Variants in ZFPM2 observed in about 807,000 individuals in gnomAD.
The protein encoded by ZFPM2 is zinc finger protein, FOG family member 2.
Under a neutral mutation model 98.6 loss-of-function variants are expected in ZFPM2, and 20 were observed. The observed-to-expected ratio is 0.20, with a 90% confidence interval of 0.14 to 0.29. ZFPM2 has a LOEUF of 0.29. Among genes scored for constraint, ZFPM2 ranks in the 10% least tolerant of loss-of-function variants. The pLI is 1.00. For synonymous variants in ZFPM2, 518 were observed against 502.7 expected (o/e 1.03, Z -0.41); for missense variants, 1,310 against 1,388.6 (o/e 0.94, Z 0.90).
intron 5 of ZFPM2, among the ~76,000 whole-genome samples, chr8:105,708,240 T>G (rs1458226624): frequency 6.6e-6 from 1 of 152,316 alleles, no homozygotes; most frequent in South Asian, 2.1e-4. Context: ...ATCATCATAT[T>G]ACATCACATT....
intron 3 of ZFPM2, among the ~76,000 whole-genome samples, chr8:105,540,433 A>T (rs1814551711): frequency 6.6e-6 from 1 of 152,158 alleles, no homozygotes; most frequent in Non-Finnish European, 1.5e-5. Context: ...CAAGAAAGGC[A>T]TCTAGCTTAG....
At chr8:105,457,856 A>G (rs886582753) in intron 3 of ZFPM2, among the ~76,000 whole-genome samples, 28 of 152,226 alleles carry the variant, frequency 1.8e-4, no homozygotes, top group Non-Finnish European at 3.1e-4. Flanking sequence ...ACTCTCTGAA[A>G]GACGAGGGAA....
At chr8:105,763,584 T>C (rs1281776890) in intron 5 of ZFPM2, among the ~76,000 whole-genome samples, 2 of 151,912 alleles carry the variant, frequency 1.3e-5, no homozygotes, top group Non-Finnish European at 2.9e-5. Flanking sequence ...ATGTCCTTCA[T>C]GTAAAGTGAT....
At chr8:105,566,984 A>G (rs1177513106) in intron 4 of ZFPM2, among the ~76,000 whole-genome samples, 1 of 152,154 alleles carries the variant, frequency 6.6e-6, no homozygotes, top group Non-Finnish European at 1.5e-5. Flanking sequence ...GAAATAATGC[A>G]TGTATCAAAT....
chr8:105,639,213 T>C (rs761085889), intron 5 of ZFPM2, among the ~76,000 whole-genome samples: 7 of 152,176 alleles, frequency 4.6e-5, no homozygotes, highest in Admixed American at 2.6e-4. Context: ...CTATCTACCG[T>C]TTGCAAAGTA....
chr8:105,652,023 T>C (rs1817188591), intron 5 of ZFPM2, among the ~76,000 whole-genome samples: 1 of 152,060 alleles, frequency 6.6e-6, no homozygotes, highest in Non-Finnish European at 1.5e-5. Context: ...TGGCAGTGTA[T>C]ACAAGAATTT....
intron 3 of ZFPM2, among the ~76,000 whole-genome samples, chr8:105,508,862 T>A (rs10094053): frequency 0.41 from 58,248 of 141,472 alleles, 11,810 homozygotes; most frequent in African/African-American, 0.6. Context: ...AAAAAAAAAA[T>A]TTTTTTTTTA....
intron 5 of ZFPM2, among the ~76,000 whole-genome samples, chr8:105,668,704 C>T (rs1471002444): frequency 6.6e-6 from 1 of 152,046 alleles, no homozygotes; most frequent in Non-Finnish European, 1.5e-5. Flanking sequence ...AATCATTATA[C>T]GTATTTAATT....
chr8:105,712,653 C>T (rs1184451405), intron 5 of ZFPM2, among the ~76,000 whole-genome samples: 1 of 151,876 alleles, frequency 6.6e-6, no homozygotes, highest in African/African-American at 2.4e-5. Flanking sequence ...TTCTACTGAT[C>T]CCATCACCCA....
chr8:105,604,670 G>A (rs781355438), intron 4 of ZFPM2, among the ~76,000 whole-genome samples: 1 of 151,890 alleles, frequency 6.6e-6, no homozygotes, highest in African/African-American at 2.4e-5. Flanking sequence ...CCTCTGCCTC[G>A]AACATTTCAC....
At chr8:105,679,252 G>A (rs559612930) in intron 5 of ZFPM2, among the ~76,000 whole-genome samples, 39 of 152,140 alleles carry the variant, frequency 2.6e-4, no homozygotes, top group African/African-American at 9.2e-4. Context: ...AGGATGATTG[G>A]GCAACATTAG....
chr8:105,580,835 A>ATATG (rs2130741521), intron 4 of ZFPM2, among the ~76,000 whole-genome samples: 1 of 147,502 alleles, frequency 6.8e-6, no homozygotes, highest in African/African-American at 2.5e-5. Context: ...CTCTATATAT[A>ATATG]TATATATATA....
At chr8:105,569,058 T>A (rs1815301442) in intron 4 of ZFPM2, among the ~76,000 whole-genome samples, 1 of 152,004 alleles carries the variant, frequency 6.6e-6, no homozygotes, top group Non-Finnish European at 1.5e-5. Flanking sequence ...ACTTCCAAGG[T>A]AGACCTTCTC....
At chr8:105,763,484 A>C (rs1199312896) in intron 5 of ZFPM2, among the ~76,000 whole-genome samples, 1 of 151,874 alleles carries the variant, frequency 6.6e-6, no homozygotes, top group African/African-American at 2.4e-5. Flanking sequence ...AGCTTCCAGG[A>C]AAGAGTTCTT....
At chr8:105,551,632 T>C (rs1487160039) in intron 3 of ZFPM2, among the ~76,000 whole-genome samples, 1 of 151,984 alleles carries the variant, frequency 6.6e-6, no homozygotes, top group African/African-American at 2.4e-5. Context: ...TTGTCATTTA[T>C]TCATCTGTCA....
intron 4 of ZFPM2, among the ~76,000 whole-genome samples, chr8:105,617,277 C>T (rs1358526202): frequency 6.6e-6 from 1 of 152,052 alleles, no homozygotes; most frequent in Admixed American, 6.6e-5. Context: ...CACCTCTGCA[C>T]TATTTCCACC....
chr8:105,720,153 G>A (rs1184196074), intron 5 of ZFPM2, among the ~76,000 whole-genome samples: 3 of 151,884 alleles, frequency 2.0e-5, no homozygotes, highest in African/African-American at 7.2e-5. Flanking sequence ...TTACTAACCA[G>A]CATTCTTCTA....
intron 3 of ZFPM2, among the ~76,000 whole-genome samples, chr8:105,531,302 G>T (rs1284986515): frequency 6.6e-6 from 1 of 152,104 alleles, no homozygotes; most frequent in Non-Finnish European, 1.5e-5. Context: ...CAAGGTTTTG[G>T]CAGGGTGATG....
chr8:105,670,435 G>A (rs1817572145), intron 5 of ZFPM2, among the ~76,000 whole-genome samples: 1 of 142,992 alleles, frequency 7.0e-6, no homozygotes, highest in Admixed American at 7.4e-5. Flanking sequence ...GGCGGAGCTT[G>A]CAGTGAGCCG....
Sources: allele counts gnomAD v4.1 joint callset (sites outside exome capture counted in the v4.1 genomes callset), GRCh38; gene constraint gnomAD v4.1.1; transcripts MANE v1.5; gene names NCBI Gene and HGNC (gene_info 2026-07-23, HGNC 2026-07-21).